ABHD2: variants seen among roughly 807,000 people sequenced by gnomAD.
ABHD2 encodes abhydrolase domain containing 2, acylglycerol lipase.
A neutral mutation model predicts 48.1 loss-of-function variants in ABHD2; 20 were observed. The observed-to-expected ratio is 0.42, with a 90% CI of 0.29 to 0.60. The LOEUF (loss-of-function observed/expected upper bound fraction) is 0.60, where lower values mean the gene tolerates loss of function less well. ABHD2 is among the 20% of genes least tolerant of loss of function. The pLI, the probability that ABHD2 is intolerant of heterozygous loss-of-function variation, is 0.24. For missense variants in ABHD2, 405 were observed against 550.9 expected (o/e 0.74, Z 2.65); for synonymous variants, 209 against 214.2 (o/e 0.98, Z 0.21).
At position 89,102,290 on chromosome 15, in the gene ABHD2, T is replaced by C. The variant is rs998142873; in HGVS notation, c.-106-11435T>C. On this transcript the variant is annotated intron_variant, in intron 1 of 10. Transcript: ENST00000352732. The surrounding 1 kb of genome is among the most constrained non-coding windows in gnomAD (Gnocchi z 4.8). ...TTTGTTTGAACTCCTCTAGTATTTA[T>C]AGTTGGTACTTCAGAGTTTAGTACT... 9 of 152,296 alleles carry C rather than the reference T, an allele frequency of 5.9e-5. No individual in the cohort carries two copies. Among genetic ancestry groups the C allele is most frequent in the African/African-American group, 2.2e-4 (9 of 41,468 alleles). The allele number at this position is 152,296 out of a possible 1,614,324, so 9.4% of individuals were successfully genotyped here.
chr15:89,193,316 T>G lies in ABHD2; in HGVS notation c.1078T>G (p.Ser360Ala). 1 of 1,614,016 alleles carries G rather than the reference T, an allele frequency of 6.2e-7. No individual in the cohort carries two copies. Among genetic ancestry groups the G allele is most frequent in the Non-Finnish European group, 8.5e-7 (1 of 1,179,846 alleles). ...TCTTCTAACCATTCCAAAATCTCTTTCAGGTAAGTGTTTCTTCCTGCTGCC... is the reference window on the plus strand; with the variant it reads ...TCTTCTAACCATTCCAAAATCTCTTGCAGGTAAGTGTTTCTTCCTGCTGCC... The part of the protein sequence containing the change: ...ESLLTIPKSL[S>A]EKRENVMFVL... Residue 360 changes from serine to alanine, a missense_variant, in exon 10 of 11, where the codon TCA becomes GCA. Transcript: ENST00000352732.
At position 89,167,051 on chromosome 15, in the gene ABHD2, G is replaced by A. The variant is rs1364494199; in HGVS notation, c.539-8761G>A. 6.6e-6 allele frequency among the ~76,000 whole-genome samples: 1 copy of A among 152,198 alleles called. No individual in the cohort carries two copies. The highest frequency in any genetic ancestry group is 2.4e-5 in the African/African-American group (1 of 41,438). On this transcript the variant is annotated intron_variant, in intron 5 of 10. Transcript: ENST00000352732. This position sits in a 1 kb window ranked among gnomAD's most constrained non-coding sequence, Gnocchi z 5.5. The stretch of plus-strand genomic sequence containing the variant: ...ATACATTCCAGGACCCTCTTGGAGA[G>A]ACTAGGATGTAGGGTTACCTACCTT...
At chr15:89,152,646 A>G (rs560607345) in intron 4 of ABHD2, among the ~76,000 whole-genome samples, 2 of 152,334 alleles carry the variant, frequency 1.3e-5, no homozygotes, top group East Asian at 1.9e-4. Flanking sequence ...ATAGCAGTAG[A>G]TTAAAAGGCT....
chr15:89,052,542 G>GGCAGAC, the ABHD2 span, among the ~76,000 whole-genome samples: 17,422 of 138,934 alleles, frequency 0.13, 1,179 homozygotes, highest in South Asian at 0.25. Flanking sequence ...CAGACAGACA[G>GGCAGAC]ACAGACAGAC....
At chr15:89,148,071 A>G (rs2050525419) in intron 3 of ABHD2, among the ~76,000 whole-genome samples, 2 of 145,004 alleles carry the variant, frequency 1.4e-5, no homozygotes, top group Non-Finnish European at 3.0e-5. Context: ...GTGAGCCGAG[A>G]TCGCTCCACT....
intron 3 of ABHD2, among the ~76,000 whole-genome samples, chr15:89,132,467 A>G (rs2050235614): frequency 6.6e-6 from 1 of 152,256 alleles, no homozygotes; most frequent in Non-Finnish European, 1.5e-5. Flanking sequence ...ACAATTATAT[A>G]TCTCTATCTG....
In ABHD2 at chr15:89,200,988, G is replaced by T; in HGVS notation, c.*5565G>T. ...TCCCAGCTACTCGGGAGGCTGAGGT[G>T]GGAGAATTGCTTGAACCCAGGAGAC... On this transcript the variant is annotated 3_prime_UTR_variant, in exon 11 of 11. Transcript: ENST00000352732. 2 of 531,182 alleles carry T rather than the reference G, an allele frequency of 3.8e-6. No homozygotes were observed. The highest frequency in any genetic ancestry group is 6.6e-6 in the Non-Finnish European group (2 of 301,312). The allele number at this position is 531,182 out of a possible 1,614,324, so 32.9% of individuals were successfully genotyped here.
the ABHD2 span, among the ~76,000 whole-genome samples, chr15:89,056,697 C>T: frequency 6.6e-6 from 1 of 151,998 alleles, no homozygotes. Flanking sequence ...AAAGATAGAA[C>T]AGTGCAATGA....
chr15:89,116,484 C>T lies in ABHD2; in HGVS notation c.157C>T (p.Arg53Cys), dbSNP rs2049963388. 6 of 1,614,084 alleles carry T rather than the reference C, an allele frequency of 3.7e-6. No homozygotes were observed. The highest frequency in any genetic ancestry group is 1.6e-4 in the Middle Eastern group (1 of 6,082). ...DLYFQDSGLS[R>C]FLLKSCPLLT... is the part of the protein sequence containing the mutation. Reference sequence around the variant, plus strand: ...CTACTTCCAGGACTCGGGGCTCTCACGCTTTCTGCTCAAGTCCTGTCCTCT... The same window carrying T: ...CTACTTCCAGGACTCGGGGCTCTCATGCTTTCTGCTCAAGTCCTGTCCTCT... The change falls in exon 3 of 11, where the codon CGC becomes TGC. Residue 53 changes from arginine (R) to cysteine (C), a missense_variant. Physicochemically the swap from Arg to Cys is radical, Grantham distance 180. Transcript: ENST00000352732. This position sits in a 1 kb window ranked among gnomAD's most constrained non-coding sequence, Gnocchi z 4.6.
chr15:89,142,867 G>T (rs1386945260), intron 3 of ABHD2, among the ~76,000 whole-genome samples: 2 of 152,142 alleles, frequency 1.3e-5, no homozygotes. Context: ...CGTTCCCATT[G>T]AATGCAGGAG....
the ABHD2 span, among the ~76,000 whole-genome samples, chr15:89,053,837 G>T: frequency 2.0e-5 from 3 of 152,194 alleles, no homozygotes; most frequent in Non-Finnish European, 4.4e-5. Flanking sequence ...GCTTCTAGCG[G>T]CTGCCAAGCT....
At chr15:89,067,476 G>A in the ABHD2 span, among the ~76,000 whole-genome samples, 2 of 152,154 alleles carry the variant, frequency 1.3e-5, no homozygotes, top group African/African-American at 2.4e-5. Context: ...TAAGCCCTGA[G>A]CCCTGGATTC....
chr15:89,152,496 C>G (rs892449080), intron 4 of ABHD2, among the ~76,000 whole-genome samples: 1 of 152,154 alleles, frequency 6.6e-6, no homozygotes, highest in Non-Finnish European at 1.5e-5. Flanking sequence ...GCAACAGAGG[C>G]CAGACCATTC....
chr15:89,056,908 C>CTTT, the ABHD2 span, among the ~76,000 whole-genome samples: 623 of 87,270 alleles, frequency 7.1e-3, 2 homozygotes, highest in East Asian at 0.016. Context: ...TAAGTGATAC[C>CTTT]TTTTTTTTTT....
intron 3 of ABHD2, among the ~76,000 whole-genome samples, chr15:89,132,775 C>T (rs1288279713): frequency 6.6e-6 from 1 of 152,176 alleles, no homozygotes; most frequent in Non-Finnish European, 1.5e-5. Context: ...TTTAGTAGGA[C>T]TTTCTAGAAC....
At chr15:89,171,339 A>G (rs1184282811) in intron 5 of ABHD2, among the ~76,000 whole-genome samples, 1 of 152,120 alleles carries the variant, frequency 6.6e-6, no homozygotes, top group Non-Finnish European at 1.5e-5. Context: ...GTGAGGTCCA[A>G]GAATGTGCAT....
intron 3 of ABHD2, among the ~76,000 whole-genome samples, chr15:89,127,727 A>ATATATATATATATATATATATATACG (rs2050157002): frequency 1.4e-5 from 2 of 142,646 alleles, no homozygotes; most frequent in African/African-American, 5.5e-5. Context: ...ATACACATAT[A>ATATATATATATATATATATATATACG]TATATATATA....
intron 9 of ABHD2, 30 bp from the exon 10 acceptor site, chr15:89,193,205 G>A: frequency 6.2e-7 from 1 of 1,607,996 alleles, no homozygotes; most frequent in Non-Finnish European, 8.5e-7. Flanking sequence ...GGAATCAGTA[G>A]TTTAATTCTG....
At chr15:89,062,877 C>T in the ABHD2 span, among the ~76,000 whole-genome samples, 2 of 151,596 alleles carry the variant, frequency 1.3e-5, no homozygotes, top group Non-Finnish European at 2.9e-5. Flanking sequence ...GAATGCATTA[C>T]TTTTATTGGA....
Sources: gnomAD v4.1 joint callset for allele counts (sites outside exome capture counted in the v4.1 genomes callset) on GRCh38, gnomAD v4.1.1 for gene constraint, Gnocchi (gnomAD v3.1) non-coding constraint, MANE v1.5 for transcripts, NCBI Gene and HGNC (gene_info 2026-07-23, HGNC 2026-07-21) for gene names.